SNX24: variants seen among roughly 807,000 people sequenced by gnomAD.
SNX24 encodes the protein sorting nexin 24, also known as sorting nexin-24.
Under a neutral mutation model 28.7 loss-of-function variants are expected in SNX24, and 22 were observed. That is an observed-to-expected ratio of 0.77 (90% confidence interval 0.55 to 1.10). SNX24 has a LOEUF of 1.10. Ranked by LOEUF, SNX24 falls within the 50% of genes least tolerant of loss-of-function variation. The pLI is 0.00. For missense variants in SNX24, 221 were observed against 201.1 expected (o/e 1.10, Z -0.60); for synonymous variants, 69 against 71.5 (o/e 0.96, Z 0.18).
At chr5:122,889,379 C>G (rs947512481) in intron 1 of SNX24, among the ~76,000 whole-genome samples, 1 of 151,738 alleles carries the variant, frequency 6.6e-6, no homozygotes, top group Non-Finnish European at 1.5e-5. Context: ...ACCCCTCATT[C>G]GAAAATCTGA....
rs143597755 is a variant in SNX24 at position 122,861,763 on chromosome 5, C to T, written c.60+16070C>T. Among the ~76,000 whole-genome samples, 764 of 152,054 alleles carry T rather than the reference C, an allele frequency of 5.0e-3. 5 individuals carry two copies. The highest frequency in any genetic ancestry group is 0.034 in the Middle Eastern group (10 of 294). ...TTGGTATTTGAAATATGCTAGTCCC[C>T]TCTTCTCATTGATTTTATAATTCTC... On this transcript the variant is annotated intron_variant, in intron 1 of 6. Coordinates refer to ENST00000261369, the MANE Select transcript of SNX24 (RefSeq NM_014035.4).
intron 3 of SNX24, among the ~76,000 whole-genome samples, chr5:122,999,478 A>G (rs1762167064): frequency 7.0e-6 from 1 of 142,432 alleles, no homozygotes; most frequent in Non-Finnish European, 1.6e-5. Context: ...ACACACACAC[A>G]TGTATACATA....
At chr5:122,918,207 T>C (rs777271164) in intron 1 of SNX24, among the ~76,000 whole-genome samples, 3 of 152,054 alleles carry the variant, frequency 2.0e-5, no homozygotes, top group Non-Finnish European at 4.4e-5. Context: ...TCAGGAGTCA[T>C]ATTGGGGTTA....
intron 3 of SNX24, among the ~76,000 whole-genome samples, chr5:122,990,971 A>G (rs1761820763): frequency 1.3e-5 from 2 of 152,140 alleles, no homozygotes; most frequent in Admixed American, 6.5e-5. Context: ...ATCTTGGCTT[A>G]CTGCAGCCTC....
At chr5:122,897,797 A>G (rs912776470) in intron 1 of SNX24, among the ~76,000 whole-genome samples, 11 of 152,286 alleles carry the variant, frequency 7.2e-5, no homozygotes, top group African/African-American at 2.4e-4. Flanking sequence ...ATAATCCTAC[A>G]GTTTCAAGTT....
At chr5:123,007,535 C>T (rs1426616368) in intron 6 of SNX24, 147 bp from the exon 7 acceptor site, 13 of 751,382 alleles carry the variant, frequency 1.7e-5, no homozygotes, top group Non-Finnish European at 2.5e-5. Context: ...ATAGCACATC[C>T]TCAACCAGGC....
chr5:122,912,097 C>T (rs1225873606), intron 1 of SNX24, among the ~76,000 whole-genome samples: 1 of 131,720 alleles, frequency 7.6e-6, no homozygotes, highest in Non-Finnish European at 1.6e-5. Context: ...TCTTCCTACC[C>T]ATGAGCATGG....
chr5:122,940,811 C>G lies in SNX24; in HGVS notation c.144+3994C>G, dbSNP rs563234525. 7.2e-5 allele frequency among the ~76,000 whole-genome samples: 11 copies of G among 152,278 alleles called. 1 individual carries two copies. Among genetic ancestry groups the G allele is most frequent in the African/African-American group, 2.4e-4 (10 of 41,554 alleles). The stretch of plus-strand genomic sequence containing the variant: ...TGGTCTCGAACTCTTGACCTCAGGA[C>G]ATCCACCTGCCTTGGCCTCCCAAAG... On this transcript the variant is annotated intron_variant, in intron 2 of 6. Transcript: ENST00000261369.
intron 3 of SNX24, among the ~76,000 whole-genome samples, chr5:122,980,549 CCTT>C (rs1158927493): frequency 2.6e-5 from 4 of 151,832 alleles, no homozygotes; most frequent in African/African-American, 9.7e-5. Context: ...ATATTTTTGA[CCTT>C]CTCTTCTTCT....
At chr5:123,013,710 A>G (rs1034290129), downstream of SNX24, among the ~76,000 whole-genome samples, 1 of 152,196 alleles carries the variant, frequency 6.6e-6, no homozygotes, top group Non-Finnish European at 1.5e-5. Flanking sequence ...TGTTTTCATT[A>G]CACTTAACAG....
rs139571162 is a variant in SNX24 at position 122,851,503 on chromosome 5, G to A, written c.60+5810G>A. 4.0e-4 allele frequency among the ~76,000 whole-genome samples: 61 copies of A among 152,254 alleles called. 1 individual carries two copies. The East Asian group carries it at 0.011, about 27-fold the overall frequency. On this transcript the variant is annotated intron_variant, in intron 1 of 6. Transcript: ENST00000261369. Reference sequence around the variant, plus strand: ...TTTTTATAGCTGTAAAAATCACAGCGTTGAATTAGATTCAAGTCCATTTTA... The same window carrying A: ...TTTTTATAGCTGTAAAAATCACAGCATTGAATTAGATTCAAGTCCATTTTA...
At chr5:122,984,663 C>G (rs1017358010) in intron 3 of SNX24, among the ~76,000 whole-genome samples, 3 of 152,184 alleles carry the variant, frequency 2.0e-5, no homozygotes, top group African/African-American at 7.2e-5. Context: ...TAACAGAGTT[C>G]AGGTTGCTGT....
In SNX24 at chr5:122,974,982, A is replaced by G. The variant is rs1020636088; in HGVS notation, c.250-24930A>G. Among the ~76,000 whole-genome samples the G allele has an allele frequency of 4.6e-5, 7 of 152,258 alleles. No homozygotes were observed. The East Asian group carries it at 1.4e-3, about 29-fold the overall frequency. On this transcript the variant is annotated intron_variant, in intron 3 of 6. Coordinates refer to ENST00000261369, the MANE Select transcript of SNX24 (RefSeq NM_014035.4). ...GAGTCCGGGGAATCAGTGGACCTAA[A>G]ACTCCATTAATTACCTGACCTCCGT...
chr5:122,867,062 A>G lies in SNX24; in HGVS notation c.60+21369A>G, dbSNP rs549328134. ...CTGGCTATGGGAGAAACAGCACTATATATTATATGTTGATTGAGAGCATAT... is the reference window on the plus strand; with the variant it reads ...CTGGCTATGGGAGAAACAGCACTATGTATTATATGTTGATTGAGAGCATAT... On this transcript the variant is annotated intron_variant, in intron 1 of 6. Transcript: ENST00000261369. 2.9e-4 allele frequency among the ~76,000 whole-genome samples: 44 copies of G among 152,260 alleles called. No individual in the cohort carries two copies. The South Asian group carries it at 3.1e-3, about 11-fold the overall frequency.
At position 122,914,732 on chromosome 5, in the gene SNX24, C is replaced by T. The variant is rs532865714; in HGVS notation, c.61-22002C>T. On this transcript the variant is annotated intron_variant, in intron 1 of 6. Transcript: ENST00000261369. ...ATGGTAGTTTGTATTTCTGTGGGATCGGTGGTGATATCCCCTTTATCATTT... is the reference window on the plus strand; with the variant it reads ...ATGGTAGTTTGTATTTCTGTGGGATTGGTGGTGATATCCCCTTTATCATTT... Among the ~76,000 whole-genome samples the T allele has an allele frequency of 3.9e-3, 584 of 151,476 alleles. 1 individual carries two copies. Among genetic ancestry groups the T allele is most frequent in the Middle Eastern group, 0.017 (5 of 294 alleles).
intron 1 of SNX24, among the ~76,000 whole-genome samples, chr5:122,918,102 A>G (rs573249506): frequency 6.6e-6 from 1 of 152,224 alleles, no homozygotes; most frequent in East Asian, 1.9e-4. Flanking sequence ...AAACAAATAA[A>G]TAAATAAATA....
intron 1 of SNX24, among the ~76,000 whole-genome samples, chr5:122,932,100 G>C (rs1385970311): frequency 6.6e-6 from 1 of 152,164 alleles, no homozygotes; most frequent in Non-Finnish European, 1.5e-5. Flanking sequence ...TTGGGGATCA[G>C]ATTCTTCTCT....
intron 1 of SNX24, among the ~76,000 whole-genome samples, chr5:122,879,824 T>C (rs189078439): frequency 3.3e-5 from 5 of 152,308 alleles, no homozygotes; most frequent in African/African-American, 1.2e-4. Flanking sequence ...GCTCAGCCAG[T>C]AATAACAAAT....
At chr5:122,892,558 G>A (rs935666788) in intron 1 of SNX24, among the ~76,000 whole-genome samples, 17 of 151,142 alleles carry the variant, frequency 1.1e-4, no homozygotes, top group Non-Finnish European at 1.9e-4. Flanking sequence ...TTGTTCCTTA[G>A]CCTCCCGAGT....
Sources: allele counts gnomAD v4.1 joint callset (sites outside exome capture counted in the v4.1 genomes callset), GRCh38; gene constraint gnomAD v4.1.1; transcripts MANE v1.5; gene names NCBI Gene and HGNC (gene_info 2026-07-23, HGNC 2026-07-21).